The following ERGIC1 variants were observed in gnomAD, a reference collection of about 807,000 sequenced individuals.
ERGIC1 encodes endoplasmic reticulum-Golgi intermediate compartment protein 1.
Under a neutral mutation model 38.3 loss-of-function variants are expected in ERGIC1, and 19 were observed. The ratio of observed to expected loss-of-function variants is 0.50; its 90% CI spans 0.35 to 0.73. ERGIC1 has a LOEUF of 0.73. ERGIC1 is among the 30% of genes least tolerant of loss of function. ERGIC1 has a pLI of 0.01. For missense variants in ERGIC1, 294 were observed against 389.2 expected (o/e 0.76, Z 2.06); for synonymous variants, 124 against 157.6 (o/e 0.79, Z 1.60).
At chr5:172,839,760 A>G (rs1761115583) in intron 1 of ERGIC1, among the ~76,000 whole-genome samples, 1 of 152,158 alleles carries the variant, frequency 6.6e-6, no homozygotes, top group Non-Finnish European at 1.5e-5. Context: ...AGCCCCTTTA[A>G]TTCTCCACAG....
intron 9 of ERGIC1, among the ~76,000 whole-genome samples, chr5:172,946,383 C>T (rs1260611099): frequency 1.3e-5 from 2 of 152,216 alleles, no homozygotes; most frequent in Non-Finnish European, 2.9e-5. Flanking sequence ...GGCACCCCTG[C>T]CCTCCCCTCC....
rs1761289633 is a variant in ERGIC1 at position 172,846,730 on chromosome 5, C to T, written c.20+12297C>T. ...GTGAGCATGAGACTTGACCCAGAGTCTTTTAAGTCCCTTACAGTAGACAGT... is the reference window on the plus strand; with the variant it reads ...GTGAGCATGAGACTTGACCCAGAGTTTTTTAAGTCCCTTACAGTAGACAGT... On this transcript the variant is annotated intron_variant, in intron 1 of 9. Transcript: ENST00000393784. The surrounding 1 kb of genome is among the most constrained non-coding windows in gnomAD (Gnocchi z 4.0). Among the ~76,000 whole-genome samples the T allele has an allele frequency of 6.6e-6, 1 of 152,196 alleles. No homozygotes were observed. The highest frequency in any genetic ancestry group is 1.5e-5 in the Non-Finnish European group (1 of 68,038).
At chr5:172,941,258 A>C (rs1266558146) in intron 9 of ERGIC1, among the ~76,000 whole-genome samples, 1 of 152,158 alleles carries the variant, frequency 6.6e-6, no homozygotes, top group Non-Finnish European at 1.5e-5. Context: ...AAAAAGAAAA[A>C]AAAAAAGGTG....
In ERGIC1 at chr5:172,924,079, C is replaced by T. The variant is rs1170805422; in HGVS notation, c.450C>T (p.Ile150=). 1.2e-6 allele frequency: 2 copies of T among 1,614,214 alleles called. No homozygotes were observed. The highest frequency in any genetic ancestry group is 1.3e-5 in the African/African-American group (1 of 75,068). Reference sequence around the variant, plus strand: ...AGAACCCAGACATGACGCATGTCATCCACAAGCTCTCCTTTGGGGACACGC... The same window carrying T: ...AGAACCCAGACATGACGCATGTCATTCACAAGCTCTCCTTTGGGGACACGC... ...QPQNPDMTHV[I]HKLSFGDTLQ... Residue 150 remains isoleucine (I), a synonymous_variant, in exon 6 of 10, where the codon ATC becomes ATT. Coordinates refer to ENST00000393784, the MANE Select transcript of ERGIC1 (RefSeq NM_001031711.3).
chr5:172,933,375 C>G (rs1212750704), intron 8 of ERGIC1: 1 of 152,244 alleles, frequency 6.6e-6, no homozygotes, highest in Admixed American at 6.5e-5. Context: ...CTTCTTCCGT[C>G]TTCTCAATCA....
At chr5:172,845,132 C>T (rs970578178) in intron 1 of ERGIC1, among the ~76,000 whole-genome samples, 1 of 152,174 alleles carries the variant, frequency 6.6e-6, no homozygotes, top group African/African-American at 2.4e-5. Context: ...AGCTGGCTTT[C>T]TTAGCCAGTA....
At chr5:172,847,258 T>C (rs1761301862) in intron 1 of ERGIC1, among the ~76,000 whole-genome samples, 1 of 152,068 alleles carries the variant, frequency 6.6e-6, no homozygotes, top group Admixed American at 6.6e-5. Context: ...GGTCAAGATG[T>C]GGGGCCATCA....
At position 172,892,071 on chromosome 5, in the gene ERGIC1, T is replaced by TTG. The variant is rs1561720655; in HGVS notation, c.82+3312_82+3313insGT. Among the ~76,000 whole-genome samples, 532 of 113,332 alleles carry TTG rather than the reference T, an allele frequency of 4.7e-3. 5 individuals carry two copies. Among genetic ancestry groups the TTG allele is most frequent in the African/African-American group, 0.014 (490 of 35,490 alleles). 74.4% of individuals were successfully genotyped at this position (113,332 alleles called of 152,430 possible). A position where few individuals can be genotyped will look rare whatever the true frequency, so the allele number is the denominator to read the frequency against. On this transcript the variant is annotated intron_variant, in intron 2 of 9. Coordinates refer to ENST00000393784, the MANE Select transcript of ERGIC1 (RefSeq NM_001031711.3). ...CTGGGTTAAAGAGTATGTTTTTTTT[T>TTG]TTTTTTTTTTTTTTTGAAACTTACA...
At chr5:172,920,356 A>ACC (rs1763478996) in intron 5 of ERGIC1, 2 of 717,148 alleles carry the variant, frequency 2.8e-6, no homozygotes, top group African/African-American at 3.5e-5. Context: ...TCCTTATCCG[A>ACC]CCCCCAGGAA....
intron 1 of ERGIC1, among the ~76,000 whole-genome samples, chr5:172,843,825 C>A (rs1490080383): frequency 6.6e-6 from 1 of 152,244 alleles, no homozygotes; most frequent in Non-Finnish European, 1.5e-5. Context: ...CAGGACAAGA[C>A]ACTTTGCCTC....
At chr5:172,876,512 A>T (rs1483610660) in intron 1 of ERGIC1, among the ~76,000 whole-genome samples, 1 of 152,140 alleles carries the variant, frequency 6.6e-6, no homozygotes, top group Non-Finnish European at 1.5e-5. Flanking sequence ...ATCCTTATGA[A>T]CTCATGGATC....
At chr5:172,938,782 G>A (rs553381) in intron 9 of ERGIC1, among the ~76,000 whole-genome samples, 2,377 of 151,084 alleles carry the variant, frequency 0.016, 59 homozygotes, top group African/African-American at 0.054. Context: ...AAAAGAAATC[G>A]GCCGGGCACG....
At chr5:172,853,249 C>T (rs1244711373) in intron 1 of ERGIC1, among the ~76,000 whole-genome samples, 1 of 152,208 alleles carries the variant, frequency 6.6e-6, no homozygotes, top group African/African-American at 2.4e-5. Flanking sequence ...AGGTCTGCTC[C>T]TGCCTCCAGT....
At chr5:172,932,084 C>T (rs1763787962) in intron 7 of ERGIC1, among the ~76,000 whole-genome samples, 1 of 152,132 alleles carries the variant, frequency 6.6e-6, no homozygotes. Context: ...GTCTCGAACT[C>T]CTGACTGCAG....
rs984321780 is a variant in ERGIC1, at chr5:172,872,740, G to A, written c.21-15959G>A. 2.0e-5 allele frequency among the ~76,000 whole-genome samples: 3 copies of A among 152,108 alleles called. No individual in the cohort carries two copies. In the East Asian group the frequency reaches 5.8e-4, roughly 29 times the overall value. On this transcript the variant is annotated intron_variant, in intron 1 of 9. Coordinates refer to ENST00000393784, the MANE Select transcript of ERGIC1 (RefSeq NM_001031711.3). The stretch of plus-strand genomic sequence containing the variant: ...TGAGGCAGGAGAATTGCTTGAGCCC[G>A]GGATGGGGAGCTTGCAGTGAGCCAG...
intron 3 of ERGIC1, among the ~76,000 whole-genome samples, chr5:172,900,604 G>A (rs1421005162): frequency 1.3e-5 from 2 of 152,052 alleles, no homozygotes; most frequent in African/African-American, 4.8e-5. Flanking sequence ...CAGCTACTTG[G>A]GAGGCTGAGG....
chr5:172,841,626 C>T (rs1452845484), intron 1 of ERGIC1, among the ~76,000 whole-genome samples: 2 of 152,162 alleles, frequency 1.3e-5, no homozygotes, highest in Non-Finnish European at 2.9e-5. Flanking sequence ...TGGGGACTGG[C>T]GTTGTGATAG....
intron 1 of ERGIC1, among the ~76,000 whole-genome samples, chr5:172,879,074 T>A (rs1762217808): frequency 1.3e-5 from 2 of 152,138 alleles, no homozygotes; most frequent in Admixed American, 6.5e-5. Flanking sequence ...AACAGTGACA[T>A]CACAAGTGCC....
At position 172,952,200 on chromosome 5, in the gene ERGIC1, T is replaced by G. The variant is rs1168819906; in HGVS notation, c.*1384T>G. ...TGCATACTTTTGTAATGAAGGGGAG[T>G]GTCCAGTGGAAGGATTTTTAAAATT... On this transcript the variant is annotated 3_prime_UTR_variant, in exon 10 of 10. Coordinates refer to ENST00000393784, the MANE Select transcript of ERGIC1 (RefSeq NM_001031711.3). 6.6e-6 allele frequency: 1 copy of G among 152,134 alleles called. No individual in the cohort carries two copies. The highest frequency in any genetic ancestry group is 1.5e-5 in the Non-Finnish European group (1 of 68,012). The allele number at this position is 152,134 out of a possible 1,614,324, so 9.4% of individuals were successfully genotyped here.
Sources: allele counts gnomAD v4.1 joint callset (sites outside exome capture counted in the v4.1 genomes callset), GRCh38; gene constraint gnomAD v4.1.1; non-coding constraint Gnocchi (gnomAD v3.1); transcripts MANE v1.5; gene names NCBI Gene and HGNC (gene_info 2026-07-23, HGNC 2026-07-21).